The following KCNAB1 variants were observed in gnomAD, a reference collection of about 807,000 sequenced individuals.
KCNAB1 encodes the protein potassium voltage-gated channel subfamily A regulatory beta subunit 1.
A neutral mutation model predicts 64.6 loss-of-function variants in KCNAB1; 35 were observed. The ratio of observed to expected loss-of-function variants is 0.54; its 90% CI spans 0.41 to 0.72. The LOEUF (loss-of-function observed/expected upper bound fraction) is 0.72, where lower values mean the gene tolerates loss of function less well. Ranked by LOEUF, KCNAB1 falls within the 30% of genes least tolerant of loss-of-function variation. The pLI is 0.00. For synonymous variants in KCNAB1, 177 were observed against 183.8 expected, an observed-to-expected ratio of 0.96 and a Z score of 0.30; for missense variants, 401 against 512.9, an observed-to-expected ratio of 0.78 and a Z score of 2.11.
In KCNAB1 at chr3:156,230,705, GAT is replaced by G. The variant is rs533521678; in HGVS notation, c.275+109821_275+109822del. On this transcript the variant is annotated intron_variant, in intron 1 of 13. Coordinates refer to ENST00000490337, the MANE Select transcript of KCNAB1 (RefSeq NM_172160.3). ...ATGAAGTAAACACGAGGGATGATGA[GAT>G]AAAGAATAGGAATGCAGGGAGTGGT... 9.7e-3 allele frequency among the ~76,000 whole-genome samples: 1,472 copies of G among 152,288 alleles called. 21 individuals carry two copies. The highest frequency in any genetic ancestry group is 0.034 in the African/African-American group (1,407 of 41,550).
intron 1 of KCNAB1, among the ~76,000 whole-genome samples, chr3:156,225,836 A>T (rs1292684655): frequency 6.6e-6 from 1 of 152,194 alleles, no homozygotes; most frequent in Non-Finnish European, 1.5e-5. Context: ...TGCAAAAAAT[A>T]ATAATAATAA....
intron 12 of KCNAB1, chr3:156,524,168 CAT>C (rs1266001093): frequency 1.3e-5 from 6 of 477,206 alleles, no homozygotes; most frequent in African/African-American, 9.9e-5. Flanking sequence ...GCTCTTATAA[CAT>C]AGTTTAAATG....
At chr3:156,308,110 G>A (rs937196654) in intron 1 of KCNAB1, among the ~76,000 whole-genome samples, 3 of 152,220 alleles carry the variant, frequency 2.0e-5, no homozygotes, top group African/African-American at 7.2e-5. Context: ...ATTGAAATAG[G>A]TTGGGCAGGG....
At chr3:156,255,185 C>T (rs1718034202) in intron 1 of KCNAB1, among the ~76,000 whole-genome samples, 1 of 152,156 alleles carries the variant, frequency 6.6e-6, no homozygotes, top group African/African-American at 2.4e-5. Context: ...CATTCTAGCT[C>T]CTTCATCTGA....
chr3:156,292,094 G>A, intron 1 of KCNAB1: 2 of 1,614,022 alleles, frequency 1.2e-6, no homozygotes, highest in South Asian at 1.1e-5. Context: ...TTCTCTCAAA[G>A]AGTCCACCGC....
intron 1 of KCNAB1, among the ~76,000 whole-genome samples, chr3:156,368,538 C>A (rs1479073566): frequency 6.6e-6 from 1 of 152,192 alleles, no homozygotes; most frequent in Admixed American, 6.5e-5. Context: ...AATTCCCTCA[C>A]CTTGGCCTCT....
intron 7 of KCNAB1, among the ~76,000 whole-genome samples, chr3:156,469,808 G>A (rs1325621144): frequency 6.6e-6 from 1 of 152,148 alleles, no homozygotes; most frequent in African/African-American, 2.4e-5. Flanking sequence ...TATTTTCTAG[G>A]CAGGCTGAAA....
chr3:156,430,531 C>T (rs1051569006), intron 2 of KCNAB1, among the ~76,000 whole-genome samples: 3 of 152,182 alleles, frequency 2.0e-5, no homozygotes, highest in African/African-American at 4.8e-5. Context: ...GACGATCTCA[C>T]TAAACATCAT....
intron 7 of KCNAB1, among the ~76,000 whole-genome samples, chr3:156,472,502 T>C (rs1315529712): frequency 1.3e-5 from 2 of 152,196 alleles, no homozygotes; most frequent in Admixed American, 6.5e-5. Flanking sequence ...CTTTACGTGA[T>C]TGAGATTTTT....
At chr3:156,324,436 T>C (rs1722847467) in intron 1 of KCNAB1, among the ~76,000 whole-genome samples, 1 of 152,184 alleles carries the variant, frequency 6.6e-6, no homozygotes, top group African/African-American at 2.4e-5. Context: ...CCATGTATGT[T>C]TCCCATGAAT....
chr3:156,407,465 T>A (rs1714324727), intron 1 of KCNAB1, among the ~76,000 whole-genome samples: 1 of 152,240 alleles, frequency 6.6e-6, no homozygotes, highest in African/African-American at 2.4e-5. Context: ...CCCACTAGGA[T>A]GTAAGCCTCA....
chr3:156,289,691 G>A (rs754217419), intron 1 of KCNAB1, among the ~76,000 whole-genome samples: 18 of 152,166 alleles, frequency 1.2e-4, no homozygotes, highest in Non-Finnish European at 2.4e-4. Context: ...GTGTGGGAAG[G>A]TTGTGGAGAG....
intron 1 of KCNAB1, among the ~76,000 whole-genome samples, chr3:156,206,818 T>G (rs1206878462): frequency 6.6e-6 from 1 of 152,222 alleles, no homozygotes; most frequent in African/African-American, 2.4e-5. Flanking sequence ...CTGATATTTT[T>G]AGATTTCAAT....
At chr3:156,181,148 C>G (rs917909954) in intron 1 of KCNAB1, among the ~76,000 whole-genome samples, 1 of 152,200 alleles carries the variant, frequency 6.6e-6, no homozygotes, top group Non-Finnish European at 1.5e-5. Flanking sequence ...TTAATTACCT[C>G]TTTAAAGGTC....
At chr3:156,122,718 C>A (rs1355448552) in intron 1 of KCNAB1, among the ~76,000 whole-genome samples, 1 of 152,066 alleles carries the variant, frequency 6.6e-6, no homozygotes, top group Non-Finnish European at 1.5e-5. Context: ...CTTACATGAT[C>A]AAAAATTAAA....
At chr3:156,371,253 G>A (rs1726287260) in intron 1 of KCNAB1, among the ~76,000 whole-genome samples, 1 of 152,154 alleles carries the variant, frequency 6.6e-6, no homozygotes, top group African/African-American at 2.4e-5. Context: ...GAGGCAGTGG[G>A]CCTAGGTTCA....
intron 1 of KCNAB1, among the ~76,000 whole-genome samples, chr3:156,364,132 T>C (rs1279893346): frequency 1.3e-5 from 2 of 152,198 alleles, no homozygotes; most frequent in Non-Finnish European, 2.9e-5. Context: ...AAGGAGGGCA[T>C]GGGATTATCA....
At chr3:156,460,373 T>TG (rs1227201218) in intron 5 of KCNAB1, 3 of 153,366 alleles carry the variant, frequency 2.0e-5, no homozygotes, top group African/African-American at 7.2e-5. Flanking sequence ...CCCTATTATC[T>TG]GGCTATTCAG....
At chr3:156,335,904 C>T (rs1320273916) in intron 1 of KCNAB1, among the ~76,000 whole-genome samples, 1 of 141,094 alleles carries the variant, frequency 7.1e-6, no homozygotes, top group Middle Eastern at 3.7e-3. Context: ...AGCTTGAGGT[C>T]CTTTTGGCTA....
Sources: allele counts gnomAD v4.1 joint callset (sites outside exome capture counted in the v4.1 genomes callset), GRCh38; gene constraint gnomAD v4.1.1; transcripts MANE v1.5; gene names NCBI Gene and HGNC (gene_info 2026-07-23, HGNC 2026-07-21).